The following ATAD2B variants were observed in gnomAD, a reference collection of about 807,000 sequenced individuals.
ATAD2B encodes ATPase family AAA domain containing 2B.
In ATAD2B, 40 loss-of-function variants were observed where a neutral mutation model predicts 167.6. The observed-to-expected ratio is 0.24, with a 90% confidence interval of 0.19 to 0.31. The LOEUF (loss-of-function observed/expected upper bound fraction) is 0.31. Ranked by LOEUF, ATAD2B falls within the 10% of genes least tolerant of loss-of-function variation. The pLI is 1.00. For synonymous variants in ATAD2B, 579 were observed against 596.5 expected (o/e 0.97, Z 0.43); for missense variants, 1,242 against 1,757.2 (o/e 0.71, Z 5.24).
the ATAD2B span, among the ~76,000 whole-genome samples, chr2:23,721,121 T>C: frequency 2.0e-5 from 3 of 152,160 alleles, no homozygotes; most frequent in Non-Finnish European, 2.9e-5. Flanking sequence ...AAACTGCTCT[T>C]GAGCCAGCCA....
chr2:23,897,994 G>C (rs1355266705), intron 1 of ATAD2B, among the ~76,000 whole-genome samples: 3 of 152,130 alleles, frequency 2.0e-5, no homozygotes, highest in Non-Finnish European at 4.4e-5. Flanking sequence ...TTGAGACAGA[G>C]TCTCAATCTA....
At chr2:23,734,969 G>A in the ATAD2B span, among the ~76,000 whole-genome samples, 2 of 152,102 alleles carry the variant, frequency 1.3e-5, no homozygotes, top group African/African-American at 4.8e-5. Context: ...TATCATACTT[G>A]GCAAATGGTA....
At chr2:23,883,104 C>A (rs1163527666) in intron 6 of ATAD2B, among the ~76,000 whole-genome samples, 1 of 151,266 alleles carries the variant, frequency 6.6e-6, no homozygotes, top group Non-Finnish European at 1.5e-5. Context: ...ATATTGAGAC[C>A]CCATCTCTAC....
In ATAD2B at chr2:23,863,369, G is replaced by T; in HGVS notation, c.1479+12C>A. On this transcript the variant is annotated intron_variant, in intron 12 of 27. Transcript: ENST00000238789. ...AACAGAAAAGACTCTTGAATTAGAT[G>T]ATTTCTCTTACCTGATCAAAAAGAA... 1 of 1,546,870 alleles carries T rather than the reference G, an allele frequency of 6.5e-7. No individual in the cohort carries two copies. Among genetic ancestry groups the T allele is most frequent in the Non-Finnish European group, 8.7e-7 (1 of 1,145,604 alleles).
chr2:23,888,086 T>A, intron 3 of ATAD2B, 101 bp from the exon 4 acceptor site: 1 of 1,008,860 alleles, frequency 9.9e-7, no homozygotes, highest in Non-Finnish European at 1.4e-6. Flanking sequence ...ACAAAAAATT[T>A]AATATAACTT....
chr2:23,876,282 G>A (rs1367570386), intron 7 of ATAD2B, among the ~76,000 whole-genome samples: 5 of 148,028 alleles, frequency 3.4e-5, no homozygotes, highest in Non-Finnish European at 7.5e-5. Context: ...ATGAGCCACC[G>A]GGCCCAGCCC....
At chr2:23,707,018 A>C in the ATAD2B span, 1 of 179,556 alleles carries the variant, frequency 5.6e-6, no homozygotes, top group Non-Finnish European at 1.2e-5. Context: ...CTAAACAACC[A>C]TAGATCAGTT....
At chr2:23,743,344 A>G in the ATAD2B span, among the ~76,000 whole-genome samples, 1 of 152,106 alleles carries the variant, frequency 6.6e-6, no homozygotes, top group Non-Finnish European at 1.5e-5. Flanking sequence ...AGGCAGGTGG[A>G]TCATTTGAGG....
At chr2:23,871,562 A>T (rs1235358044) in intron 8 of ATAD2B, among the ~76,000 whole-genome samples, 1 of 152,122 alleles carries the variant, frequency 6.6e-6, no homozygotes, top group East Asian at 1.9e-4. Context: ...CTTCCATTAC[A>T]CTTGCTGAAT....
At chr2:23,912,164 A>G (rs12616257) in intron 1 of ATAD2B, among the ~76,000 whole-genome samples, 28,162 of 152,050 alleles carry the variant, frequency 0.19, 2,702 homozygotes, top group Middle Eastern at 0.26. Flanking sequence ...TGTTCTCTGA[A>G]CACAATGGAA....
chr2:23,754,550 G>A lies in ATAD2B; in HGVS notation c.4206+97C>T, dbSNP rs1011122470. ...GAGCTCTGAGGCATTTATATTTCAG[G>A]GTTAAAGCAGGAAAACTACTTTTAC... On this transcript the variant is annotated intron_variant, in intron 26 of 27. Transcript: ENST00000238789. 7.7e-6 allele frequency: 11 copies of A among 1,431,398 alleles called. No individual in the cohort carries two copies. In the African/African-American group the frequency reaches 8.6e-5, roughly 11 times the overall value. 88.7% of individuals were successfully genotyped at this position (1,431,398 alleles called of 1,614,324 possible).
chr2:23,783,170 A>G (rs992626760), intron 21 of ATAD2B, 142 bp from the exon 22 acceptor site: 2 of 443,626 alleles, frequency 4.5e-6, no homozygotes, highest in Admixed American at 4.0e-5. Context: ...TTGCAGCGCT[A>G]TTTATGCTAC....
intron 10 of ATAD2B, 59 bp from the exon 11 acceptor site, chr2:23,864,983 T>A (rs982097356): frequency 1.2e-5 from 12 of 1,011,122 alleles, no homozygotes; most frequent in Non-Finnish European, 1.7e-5. Context: ...ATAGAATTTT[T>A]AAAATTTATA....
intron 15 of ATAD2B, among the ~76,000 whole-genome samples, chr2:23,826,857 C>T (rs952852142): frequency 2.0e-5 from 3 of 152,132 alleles, no homozygotes; most frequent in African/African-American, 7.2e-5. Context: ...ACCCAATATG[C>T]ATGCAAAAAC....
the ATAD2B span, among the ~76,000 whole-genome samples, chr2:23,692,670 G>GA: frequency 2.0e-5 from 3 of 152,208 alleles, no homozygotes; most frequent in Admixed American, 6.5e-5. Flanking sequence ...GCATGAAGGG[G>GA]AAAGAGTGCA....
chr2:23,744,882 A>G (rs138059291), downstream of ATAD2B, among the ~76,000 whole-genome samples: 148 of 152,342 alleles, frequency 9.7e-4, no homozygotes, highest in African/African-American at 3.5e-3. Flanking sequence ...TCTTTTCAAA[A>G]AAGAACTAAA....
At chr2:23,712,956 G>C in the ATAD2B span, among the ~76,000 whole-genome samples, 2 of 152,072 alleles carry the variant, frequency 1.3e-5, no homozygotes, top group Admixed American at 1.3e-4. Context: ...CCCACCATGG[G>C]CCGCCTCACC....
chr2:23,726,746 C>T, the ATAD2B span, among the ~76,000 whole-genome samples: 3,226 of 152,134 alleles, frequency 0.021, 65 homozygotes, highest in South Asian at 0.029. Context: ...TTAAATAAGC[C>T]GGACACAAAA....
chr2:23,740,933 G>A, the ATAD2B span, among the ~76,000 whole-genome samples: 3 of 152,134 alleles, frequency 2.0e-5, no homozygotes, highest in African/African-American at 7.2e-5. Context: ...GCCAAATCAT[G>A]AGTGAACTCC....
Sources: gnomAD v4.1 joint callset for allele counts (sites outside exome capture counted in the v4.1 genomes callset) on GRCh38, gnomAD v4.1.1 for gene constraint, MANE v1.5 for transcripts, NCBI Gene and HGNC (gene_info 2026-07-23, HGNC 2026-07-21) for gene names.